Variants in PPP3CA observed in about 807,000 individuals in gnomAD.
PPP3CA encodes the protein CAM-PRP catalytic subunit.
A neutral mutation model predicts 66.5 loss-of-function variants in PPP3CA; 14 were observed. The observed-to-expected ratio is 0.21, with a 90% CI of 0.14 to 0.33. PPP3CA has a LOEUF of 0.33. Among genes scored for constraint, PPP3CA ranks in the 10% least tolerant of loss-of-function variants. The pLI, the probability that PPP3CA is intolerant of heterozygous loss-of-function variation, is 1.00. For synonymous variants in PPP3CA, 232 were observed against 226.2 expected (o/e 1.03, Z -0.23); for missense variants, 317 against 639.5 (o/e 0.50, Z 5.44).
At chr4:101,261,548 C>G (rs1395834837) in intron 1 of PPP3CA, among the ~76,000 whole-genome samples, 1 of 151,970 alleles carries the variant, frequency 6.6e-6, no homozygotes, top group Non-Finnish European at 1.5e-5. Context: ...CATTTGCAAA[C>G]ACCACAGTTA....
intron 8 of PPP3CA, among the ~76,000 whole-genome samples, chr4:101,070,870 C>T (rs1296120427): frequency 6.6e-6 from 1 of 152,154 alleles, no homozygotes; most frequent in African/African-American, 2.4e-5. Context: ...TCTAACATTA[C>T]AATTTTGCAT....
At chr4:101,194,942 A>G (rs376927665) in intron 2 of PPP3CA, among the ~76,000 whole-genome samples, 38 of 152,266 alleles carry the variant, frequency 2.5e-4, no homozygotes, top group East Asian at 1.9e-3. Flanking sequence ...GTATCTGACC[A>G]TAAGAAATAA....
At chr4:101,151,379 G>A (rs1016277990) in intron 2 of PPP3CA, among the ~76,000 whole-genome samples, 1 of 151,834 alleles carries the variant, frequency 6.6e-6, no homozygotes, top group East Asian at 2.0e-4. Flanking sequence ...GGCCAAGATG[G>A]TGAAACACCG....
At chr4:101,181,502 A>G (rs1017767552) in intron 2 of PPP3CA, among the ~76,000 whole-genome samples, 22 of 152,126 alleles carry the variant, frequency 1.4e-4, no homozygotes, top group African/African-American at 4.6e-4. Context: ...TTATTTTAGT[A>G]AAAATAAAGT....
intron 2 of PPP3CA, among the ~76,000 whole-genome samples, chr4:101,152,626 C>G (rs543261712): frequency 6.6e-6 from 1 of 152,074 alleles, no homozygotes; most frequent in Non-Finnish European, 1.5e-5. Flanking sequence ...TTACTAGAAA[C>G]AGATTTCTCT....
chr4:101,236,005 G>A (rs1169326351), intron 1 of PPP3CA, among the ~76,000 whole-genome samples: 2 of 150,280 alleles, frequency 1.3e-5, no homozygotes, highest in African/African-American at 4.9e-5. Flanking sequence ...TACCACAGCT[G>A]ATACAAAACA....
intron 5 of PPP3CA, among the ~76,000 whole-genome samples, chr4:101,096,244 T>C (rs1730190701): frequency 6.6e-6 from 1 of 152,202 alleles, no homozygotes; most frequent in Non-Finnish European, 1.5e-5. Flanking sequence ...AAAATAATTT[T>C]TCTCTAAAAA....
In PPP3CA at chr4:101,199,296, C is replaced by T. The variant is rs138330175; in HGVS notation, c.59-3180G>A. On this transcript the variant is annotated intron_variant, in intron 1 of 13. Coordinates refer to ENST00000394854, the MANE Select transcript of PPP3CA (RefSeq NM_000944.5). ...AATTAATTCATTGTGAAAGTTGCTA[C>T]GCTTAATACAACAAAATTGGATTTC... Among the ~76,000 whole-genome samples the T allele has an allele frequency of 2.9e-3, 445 of 152,288 alleles. 6 individuals carry two copies. Among genetic ancestry groups the T allele is most frequent in the African/African-American group, 9.7e-3 (404 of 41,566 alleles).
rs1348228860 is a variant in PPP3CA at position 101,098,361 on chromosome 4, A to G, written c.642+6T>C. On this transcript the variant is annotated splice_donor_region_variant and intron_variant, in intron 5 of 13. Transcript: ENST00000394854. ...ATGATTAGACTTGGAAAATAACAAA[A>G]CTTACTTTTCTGATATCATCTAAAG... is the stretch of plus-strand genomic sequence containing the variant. The G allele has an allele frequency of 6.3e-7, 1 of 1,591,170 alleles. No individual in the cohort carries two copies. The highest frequency in any genetic ancestry group is 8.5e-7 in the Non-Finnish European group (1 of 1,171,680).
intron 1 of PPP3CA, among the ~76,000 whole-genome samples, chr4:101,327,507 GACAA>G (rs567368243): frequency 1.9e-3 from 284 of 150,230 alleles, no homozygotes; most frequent in African/African-American, 6.5e-3. Flanking sequence ...AAAAAAAAAA[GACAA>G]ACAAAAAATC....
intron 1 of PPP3CA, among the ~76,000 whole-genome samples, chr4:101,209,043 C>T (rs1021262005): frequency 6.6e-6 from 1 of 152,128 alleles, no homozygotes; most frequent in Non-Finnish European, 1.5e-5. Context: ...GAAACTTCTA[C>T]AATTGCTTTT....
intron 2 of PPP3CA, among the ~76,000 whole-genome samples, chr4:101,126,007 G>C (rs1265000750): frequency 1.3e-5 from 2 of 152,148 alleles, no homozygotes. Flanking sequence ...GTAGGGGGTA[G>C]GAAGAGAGAT....
chr4:101,057,182 G>A (rs1012767716), intron 10 of PPP3CA, among the ~76,000 whole-genome samples: 7 of 151,944 alleles, frequency 4.6e-5, no homozygotes, highest in African/African-American at 1.7e-4. Flanking sequence ...AGCCTTCCAA[G>A]TAGCTAGGAA....
At chr4:101,036,996 T>C (rs1727282234) in intron 11 of PPP3CA, among the ~76,000 whole-genome samples, 4 of 150,726 alleles carry the variant, frequency 2.7e-5, no homozygotes, top group Non-Finnish European at 6.0e-5. Flanking sequence ...TTCTGGCTAA[T>C]TTTAACAGGA....
intron 2 of PPP3CA, among the ~76,000 whole-genome samples, chr4:101,133,318 G>A (rs942594474): frequency 6.6e-6 from 1 of 152,042 alleles, no homozygotes; most frequent in Non-Finnish European, 1.5e-5. Context: ...TATCTCTGTT[G>A]GCTGACGACA....
chr4:101,153,350 C>T (rs913278828), intron 2 of PPP3CA, among the ~76,000 whole-genome samples: 5 of 152,116 alleles, frequency 3.3e-5, no homozygotes, highest in African/African-American at 9.7e-5. Flanking sequence ...ATAGAACTTG[C>T]TAAGTTCAAC....
intron 1 of PPP3CA, among the ~76,000 whole-genome samples, chr4:101,270,667 C>A (rs1727309979): frequency 6.6e-6 from 1 of 152,124 alleles, no homozygotes; most frequent in African/African-American, 2.4e-5. Flanking sequence ...AAGGGTCCAT[C>A]CAACTTCCTT....
intron 10 of PPP3CA, among the ~76,000 whole-genome samples, chr4:101,052,186 A>G (rs1728040395): frequency 6.6e-6 from 1 of 152,108 alleles, no homozygotes; most frequent in Admixed American, 6.6e-5. Flanking sequence ...TAATTGCTAA[A>G]TTAAAACGAT....
chr4:101,119,342 A>G (rs1721948264), intron 2 of PPP3CA, among the ~76,000 whole-genome samples: 1 of 152,028 alleles, frequency 6.6e-6, no homozygotes, highest in Non-Finnish European at 1.5e-5. Flanking sequence ...GAGTGGCAGC[A>G]CCGTGACGAG....
Sources: gnomAD v4.1 joint callset for allele counts (sites outside exome capture counted in the v4.1 genomes callset) on GRCh38, gnomAD v4.1.1 for gene constraint, MANE v1.5 for transcripts, NCBI Gene and HGNC (gene_info 2026-07-23, HGNC 2026-07-21) for gene names.